Variants in IL1R1 observed in about 807,000 individuals in gnomAD.
IL1R1 encodes the protein interleukin 1 receptor type 1.
In IL1R1, 22 loss-of-function variants were observed where a neutral mutation model predicts 50.2. The ratio of observed to expected loss-of-function variants is 0.44; its 90% CI spans 0.31 to 0.63. The LOEUF (loss-of-function observed/expected upper bound fraction) is 0.63. Among genes scored for constraint, IL1R1 ranks in the 20% least tolerant of loss-of-function variants. The pLI, the probability that IL1R1 is intolerant of heterozygous loss-of-function variation, is 0.07. For missense variants in IL1R1, 509 were observed against 676.2 expected, an observed-to-expected ratio of 0.75 and a Z score of 2.74; for synonymous variants, 251 against 236.7, an observed-to-expected ratio of 1.06 and a Z score of -0.55.
At chr2:102,099,743 C>T (rs1680060774), upstream of IL1R1, among the ~76,000 whole-genome samples, 1 of 152,208 alleles carries the variant, frequency 6.6e-6, no homozygotes, top group South Asian at 2.1e-4. Flanking sequence ...CTTAGTCAGT[C>T]AAGACTCTGG....
At position 102,176,586 on chromosome 2, in the gene IL1R1, A is replaced by C; in HGVS notation, c.1537A>C (p.Ile513Leu). Reference sequence around the variant, plus strand: ...ATTCATTAAGCAGAAACATGGGGCTATCCGCTGGTCAGGGGACTTTACACA... The same window carrying C: ...ATTCATTAAGCAGAAACATGGGGCTCTCCGCTGGTCAGGGGACTTTACACA... ...IKFIKQKHGA[I>L]RWSGDFTQGP... Residue 513 changes from isoleucine to leucine, a missense_variant, in exon 12 of 12, where the codon ATC becomes CTC. Coordinates refer to ENST00000410023, the MANE Select transcript of IL1R1 (RefSeq NM_000877.4). 6.2e-7 allele frequency: 1 copy of C among 1,614,230 alleles called. No individual in the cohort carries two copies. Among genetic ancestry groups the C allele is most frequent in the Non-Finnish European group, 8.5e-7 (1 of 1,180,034 alleles).
rs1159402417 is a variant in IL1R1 at position 102,116,659 on chromosome 2, T to C, written c.-84+11787T>C. Among the ~76,000 whole-genome samples, 3 of 152,180 alleles carry C rather than the reference T, an allele frequency of 2.0e-5. No homozygotes were observed. The South Asian group carries it at 6.2e-4, about 31-fold the overall frequency. On this transcript the variant is annotated intron_variant, in intron 1 of 10. Coordinates refer to the IL1R1 transcript ENST00000409329. ...CTAAGTCTGATTTTAAATTGGGTGG[T>C]TTGTACTGTGTTAGCAATGTTAGAG...
chr2:102,079,560 A>G (rs1223579347), intron 1 of IL1R1, among the ~76,000 whole-genome samples: 1 of 152,156 alleles, frequency 6.6e-6, no homozygotes, highest in African/African-American at 2.4e-5. Flanking sequence ...CTTGTACACT[A>G]AAAGTATAAA....
intron 6 of IL1R1, among the ~76,000 whole-genome samples, chr2:102,167,896 A>G (rs1685339829): frequency 6.6e-6 from 1 of 152,286 alleles, no homozygotes; most frequent in South Asian, 2.1e-4. Context: ...TCAAGGATTC[A>G]AAAATATTTA....
chr2:102,172,928 G>A (rs1685813275), intron 9 of IL1R1, 90 bp downstream of exon 9: 2 of 866,834 alleles, frequency 2.3e-6, no homozygotes, highest in South Asian at 1.7e-5. Context: ...CCTCTGCTTA[G>A]AACACGCTTC....
At chr2:102,152,619 C>G (rs903988916) in intron 1 of IL1R1, among the ~76,000 whole-genome samples, 101 of 151,698 alleles carry the variant, frequency 6.7e-4, no homozygotes, top group African/African-American at 2.4e-3. Flanking sequence ...CCTCCCCCTC[C>G]CCCTCTCCCA....
intron 1 of IL1R1, among the ~76,000 whole-genome samples, chr2:102,146,081 C>G (rs546719532): frequency 3.0e-4 from 45 of 151,308 alleles, no homozygotes; most frequent in African/African-American, 1.0e-3. Flanking sequence ...TTGAAATGAC[C>G]CTCCCTGTAA....
In IL1R1 at chr2:102,167,061, A is replaced by C. The variant is rs1479186933; in HGVS notation, c.655+780A>C. Among the ~76,000 whole-genome samples the C allele has an allele frequency of 8.9e-4, 135 of 152,232 alleles. 3 individuals carry two copies. The highest frequency in any genetic ancestry group is 8.8e-3 in the Admixed American group (134 of 15,278). ...TTTGTAAGATTTATGTAATAAAATA[A>C]GAGTTATTCCAATCAGAACTTTTTT... On this transcript the variant is annotated intron_variant, in intron 6 of 11. Coordinates refer to ENST00000410023, the MANE Select transcript of IL1R1 (RefSeq NM_000877.4).
rs1686297376 is a variant in IL1R1, at chr2:102,178,133, C to G, written c.*1374C>G. 1 of 152,570 alleles carries G rather than the reference C, an allele frequency of 6.6e-6. No individual in the cohort carries two copies. The highest frequency in any genetic ancestry group is 2.1e-4 in the South Asian group (1 of 4,836). 9.5% of individuals were successfully genotyped at this position (152,570 alleles called of 1,614,324 possible). A position where few individuals can be genotyped will look rare whatever the true frequency, so the allele number is the denominator to read the frequency against. ...CCTAGGAGGCCTTCTCGCATTTTCTCTAGCTGATCAGAATTTTACCAAAAT... is the reference window on the plus strand; with the variant it reads ...CCTAGGAGGCCTTCTCGCATTTTCTGTAGCTGATCAGAATTTTACCAAAAT... On this transcript the variant is annotated 3_prime_UTR_variant, in exon 12 of 12. Coordinates refer to ENST00000410023, the MANE Select transcript of IL1R1 (RefSeq NM_000877.4).
chr2:102,139,949 C>T (rs1402589013), upstream of IL1R1, among the ~76,000 whole-genome samples: 1 of 152,186 alleles, frequency 6.6e-6, no homozygotes, highest in South Asian at 2.1e-4. Context: ...TTAGGTGGTG[C>T]TGAAGAGTGG....
rs1375923426 is a variant in IL1R1, at chr2:102,178,320, G to A, written c.*1561G>A. ...GGAATTGCTGCTCTCTGAGGGAGAGGCTGTGGTGGCTGTCTCTGTCCCTCA... is the reference window on the plus strand; with the variant it reads ...GGAATTGCTGCTCTCTGAGGGAGAGACTGTGGTGGCTGTCTCTGTCCCTCA... On this transcript the variant is annotated 3_prime_UTR_variant, in exon 12 of 12. Transcript: ENST00000410023. 6.6e-6 allele frequency: 1 copy of A among 152,330 alleles called. No individual in the cohort carries two copies. The highest frequency in any genetic ancestry group is 2.4e-5 in the African/African-American group (1 of 41,418). 9.4% of individuals were successfully genotyped at this position (152,330 alleles called of 1,614,324 possible).
At chr2:102,082,252 A>C (rs563336937) in intron 1 of IL1R1, among the ~76,000 whole-genome samples, 1 of 151,588 alleles carries the variant, frequency 6.6e-6, no homozygotes, top group East Asian at 1.9e-4. Context: ...TTAAAGGATA[A>C]ATTAAAGGAT....
intron 1 of IL1R1, among the ~76,000 whole-genome samples, chr2:102,108,771 G>A (rs1680571308): frequency 6.6e-6 from 1 of 151,998 alleles, no homozygotes; most frequent in Non-Finnish European, 1.5e-5. Flanking sequence ...TGCAAGCCAA[G>A]GATAGGACCA....
intron 1 of IL1R1, among the ~76,000 whole-genome samples, chr2:102,151,694 A>G (rs1683668594): frequency 6.6e-6 from 1 of 152,124 alleles, no homozygotes; most frequent in Admixed American, 6.5e-5. Flanking sequence ...AGCCTGTGTC[A>G]CTCGTCATGC....
chr2:102,113,596 T>C (rs1184763088), intron 1 of IL1R1, among the ~76,000 whole-genome samples: 1 of 152,182 alleles, frequency 6.6e-6, no homozygotes, highest in Non-Finnish European at 1.5e-5. Context: ...CCTGGAACAA[T>C]TTTTTGGGAC....
At chr2:102,084,021 TGGTCTTGACCAAG>T (rs957042187) in intron 1 of IL1R1, among the ~76,000 whole-genome samples, 1 of 152,180 alleles carries the variant, frequency 6.6e-6, no homozygotes, top group African/African-American at 2.4e-5. Flanking sequence ...TTTAGCTCTG[TGGTCTTGACCAAG>T]GCCTCATAGC....
At chr2:102,157,670 A>G in intron 2 of IL1R1, 49 bp from the exon 3 acceptor site, 1 of 1,243,558 alleles carries the variant, frequency 8.0e-7, no homozygotes, top group Non-Finnish European at 1.2e-6. Flanking sequence ...ATTTGCTGGA[A>G]AAGTAACATT....
chr2:102,120,385 ATG>A (rs1157239790), intron 1 of IL1R1, among the ~76,000 whole-genome samples: 1 of 152,024 alleles, frequency 6.6e-6, no homozygotes, highest in African/African-American at 2.4e-5. Flanking sequence ...TGTTGCATGA[ATG>A]TGTGTCGTGT....
chr2:102,091,052 T>C (rs1679644818), intron 1 of IL1R1, among the ~76,000 whole-genome samples: 1 of 152,210 alleles, frequency 6.6e-6, no homozygotes, highest in Non-Finnish European at 1.5e-5. Context: ...TTGAGACTTT[T>C]CTGGGCTTTT....
Sources: gnomAD v4.1 joint callset for allele counts (sites outside exome capture counted in the v4.1 genomes callset) on GRCh38, gnomAD v4.1.1 for gene constraint, MANE v1.5 for transcripts, NCBI Gene and HGNC (gene_info 2026-07-23, HGNC 2026-07-21) for gene names.